DNMT1: variants seen among roughly 807,000 people sequenced by gnomAD.
DNMT1 encodes the protein DNA methyltransferase 1, also known as DNA (cytosine-5)-methyltransferase 1.
A neutral mutation model predicts 205.3 loss-of-function variants in DNMT1; 24 were observed. That is an observed-to-expected ratio of 0.12 (90% CI 0.08 to 0.16). The LOEUF is 0.16. Ranked by LOEUF, DNMT1 falls within the 10% of genes least tolerant of loss-of-function variation. The pLI is 1.00. For synonymous variants in DNMT1, 817 were observed against 839.8 expected (o/e 0.97, Z 0.47); for missense variants, 1,293 against 2,177.7 (o/e 0.59, Z 8.09).
chr19:10,192,515 A>G (rs1034570680), intron 1 of DNMT1, among the ~76,000 whole-genome samples: 1 of 151,746 alleles, frequency 6.6e-6, no homozygotes, highest in Admixed American at 6.6e-5. Flanking sequence ...TAATCCCAAC[A>G]CTTTGGGAAG....
rs2089614072 is a variant in DNMT1 at position 10,142,205 on chromosome 19, G to A, written c.3132C>T (p.His1044=). ...CGTGGTAGCTCGCTGGAGTGGACTT[G>A]TGGGTGTTCTCAGGCCTGCGAGCGG... The part of the protein sequence containing the change: ...VNKFYRPENT[H]KSTPASYHAD... The change falls in exon 30 of 41, where the codon CAC becomes CAT. Residue 1044 remains histidine (H), a synonymous_variant. Transcript: ENST00000359526. 1 of 1,614,032 alleles carries A rather than the reference G, an allele frequency of 6.2e-7. No individual in the cohort carries two copies. Among genetic ancestry groups the A allele is most frequent in the South Asian group, 1.1e-5 (1 of 91,082 alleles).
chr19:10,149,148 A>G, intron 26 of DNMT1, 131 bp from the exon 27 acceptor site: 4 of 1,300,660 alleles, frequency 3.1e-6, no homozygotes, highest in South Asian at 1.3e-5. Context: ...ACATGGTGAA[A>G]CCCCGTCTCT....
In DNMT1 at chr19:10,154,948, C is replaced by T; in HGVS notation, c.1601G>A (p.Ser534Asn). ...ISKIVVEFLQ[S>N]NSDSTYEDLI... ...GTCCTCATAGGTCGAGTCGGAATTG[C>T]TCTGCAGGAACTCCACCACAATCTT... The change falls in exon 20 of 41, where the codon AGC becomes AAC. Residue 534 changes from serine to asparagine, a missense_variant. Physicochemically the swap from Ser to Asn is conservative, Grantham distance 46. Transcript: ENST00000359526. This position sits in a 1 kb window ranked among gnomAD's most constrained non-coding sequence, Gnocchi z 6.3. 1 of 1,614,190 alleles carries T rather than the reference C, an allele frequency of 6.2e-7. No homozygotes were observed. The highest frequency in any genetic ancestry group is 8.5e-7 in the Non-Finnish European group (1 of 1,180,040).
chr19:10,145,761 T>C (rs971956882), intron 28 of DNMT1, among the ~76,000 whole-genome samples: 1 of 152,228 alleles, frequency 6.6e-6, no homozygotes, highest in African/African-American at 2.4e-5. Flanking sequence ...GGAGGTGTCC[T>C]TGGGCAGAGG....
In DNMT1 at chr19:10,148,898, C is replaced by T. The variant is rs777958103; in HGVS notation, c.2706G>A (p.Glu902=). The stretch of plus-strand genomic sequence containing the variant: ...CCAGTGCTCACTTGAACTTGTTGTC[C>T]TCTGTTGGCTGGGTTTTTGGAGGGG... ...FESPPKTQPT[E]DNKFKFCVSC... The change falls in exon 27 of 41, where the codon GAG becomes GAA. Residue 902 remains glutamate, a synonymous_variant. Coordinates refer to ENST00000359526, the MANE Select transcript of DNMT1 (RefSeq NM_001130823.3). 1.2e-6 allele frequency: 2 copies of T among 1,614,060 alleles called. No individual in the cohort carries two copies. Among genetic ancestry groups the T allele is most frequent in the Admixed American group, 1.7e-5 (1 of 60,002 alleles).
intron 27 of DNMT1, among the ~76,000 whole-genome samples, chr19:10,148,224 T>A (rs374824243): frequency 1.3e-5 from 2 of 149,388 alleles, no homozygotes; most frequent in African/African-American, 2.5e-5. Flanking sequence ...AGGACAGGTG[T>A]GGTGGCTCAC....
Position 10,137,856 on chromosome 19 carries a change from G to T in DNMT1, c.4269C>A (p.Pro1423=). 6.2e-7 allele frequency: 1 copy of T among 1,613,538 alleles called. No individual in the cohort carries two copies. The highest frequency in any genetic ancestry group is 2.2e-5 in the East Asian group (1 of 44,878). Residue 1423 remains proline, a synonymous_variant, in exon 36 of 41, where the codon CCC becomes CCA. Coordinates refer to ENST00000359526, the MANE Select transcript of DNMT1 (RefSeq NM_001130823.3). This position sits in a 1 kb window ranked among gnomAD's most constrained non-coding sequence, Gnocchi z 6.4. ...QRQLRGAQYQ[P]ILRDHICKDM... ...CCTTACAGATGTGGTCCCTGAGGAT[G>T]GGCTGGTACTGTGCGCCCCGGAGCT...
In DNMT1 at chr19:10,143,932, G is replaced by C. The variant is rs760683699; in HGVS notation, c.2950C>G (p.Leu984Val). Residue 984 changes from leucine to valine, a missense_variant, in exon 29 of 41, where the codon CTG becomes GTG. By Grantham distance (32) the Leu-to-Val change is conservative. Coordinates refer to ENST00000359526, the MANE Select transcript of DNMT1 (RefSeq NM_001130823.3). ...TATTTCCGGTAGTGCTCTGGGTACA[G>C]GTCCTCATCCACGGGCTCCTTCCGT... ...RPRKEPVDEDLYPEHYRKYSD... is the reference protein window; with the variant it reads ...RPRKEPVDEDVYPEHYRKYSD... 3 of 1,614,036 alleles carry C rather than the reference G, an allele frequency of 1.9e-6. No individual in the cohort carries two copies. The highest frequency in any genetic ancestry group is 2.5e-6 in the Non-Finnish European group (3 of 1,180,050).
chr19:10,135,642 C>T (rs1474695316), intron 39 of DNMT1, 94 bp downstream of exon 39: 1 of 1,364,204 alleles, frequency 7.3e-7, no homozygotes, highest in Non-Finnish European at 1.0e-6. Context: ...AGCAGGCGTC[C>T]TCCCGGAAGT....
At chr19:10,136,308 G>A (rs2089481953) in intron 37 of DNMT1, 21 bp from the exon 38 acceptor site, 1 of 1,613,224 alleles carries the variant, frequency 6.2e-7, no homozygotes, top group Non-Finnish European at 8.5e-7. Context: ...GGACAGTGAT[G>A]AGGCTGCAGT....
rs775701177 is a variant in DNMT1 at position 10,138,423 on chromosome 19, G to T, written c.4115+16C>A. 8 of 1,613,818 alleles carry T rather than the reference G, an allele frequency of 5.0e-6. No homozygotes were observed. In the Admixed American group the frequency reaches 1.0e-4, roughly 20 times the overall value. Reference sequence around the variant, plus strand: ...CCTGCTCGGCAGTGTGTGGAGGAGCGACGGGGGCCACCTACCTGGTTATGT... The same window carrying T: ...CCTGCTCGGCAGTGTGTGGAGGAGCTACGGGGGCCACCTACCTGGTTATGT... On this transcript the variant is annotated intron_variant, in intron 35 of 40. Transcript: ENST00000359526. The surrounding 1 kb of genome is among the most constrained non-coding windows in gnomAD (Gnocchi z 4.1).
At chr19:10,170,693 C>G (rs1313565377) in intron 9 of DNMT1, among the ~76,000 whole-genome samples, 1 of 152,196 alleles carries the variant, frequency 6.6e-6, no homozygotes, top group Non-Finnish European at 1.5e-5. Flanking sequence ...CCCCAATGGA[C>G]AGCCATCCTT....
At position 10,180,220 on chromosome 19, in the gene DNMT1, G is replaced by T; in HGVS notation, c.460C>A (p.Pro154Thr). Residue 154 changes from proline (P) to threonine (T), a missense_variant, in exon 5 of 41, where the codon CCT (proline) becomes ACT (threonine). By Grantham distance (38) the Pro-to-Thr change is conservative (BLOSUM62 -1). This residue lies in a region of DNMT1 where 394 missense variants were observed against 451.6 expected (regional missense o/e 0.87). Transcript: ENST00000359526. ...CCAGTTACTTGGGAGGCTGAGGCAG[G>T]AGGGTCTCTTGAACCTGGGAGGCAG... ...DGEAKRSRDPPASASQVTGIR... is the reference protein window; with the variant it reads ...DGEAKRSRDPTASASQVTGIR... 9.0e-7 allele frequency: 1 copy of T among 1,106,076 alleles called. No individual in the cohort carries two copies. The highest frequency in any genetic ancestry group is 2.6e-5 in the East Asian group (1 of 39,100). The allele number at this position is 1,106,076 out of a possible 1,614,324, so 68.5% of individuals were successfully genotyped here.
Position 10,156,871 on chromosome 19 carries a change from G to A in DNMT1, c.1281-362C>T, listed in dbSNP as rs986831704. Among the ~76,000 whole-genome samples the A allele has an allele frequency of 3.3e-5, 5 of 152,046 alleles. No individual in the cohort carries two copies. On this transcript the variant is annotated intron_variant, in intron 17 of 40. Coordinates refer to ENST00000359526, the MANE Select transcript of DNMT1 (RefSeq NM_001130823.3). The surrounding 1 kb of genome is among the most constrained non-coding windows in gnomAD (Gnocchi z 4.2). ...TATCTCCAGTGATCTACCCACCTCA[G>A]CCTCCCAAAGTGCTGGGATTACAGG...
chr19:10,153,010 A>G (rs967394989), intron 22 of DNMT1, among the ~76,000 whole-genome samples: 3 of 152,012 alleles, frequency 2.0e-5, no homozygotes, highest in African/African-American at 7.2e-5. Flanking sequence ...TTCCCTTCCC[A>G]TTCTCCAGAT....
Position 10,159,644 on chromosome 19 carries a change from G to T in DNMT1, c.1280+14C>A. 2 of 1,613,292 alleles carry T rather than the reference G, an allele frequency of 1.2e-6. No individual in the cohort carries two copies. The highest frequency in any genetic ancestry group is 1.7e-6 in the Non-Finnish European group (2 of 1,179,260). Reference sequence around the variant, plus strand: ...CCTTCCACGAAGCAAACATGCACACGAAAGTGCACTTACCTGAAGCAGGTC... The same window carrying T: ...CCTTCCACGAAGCAAACATGCACACTAAAGTGCACTTACCTGAAGCAGGTC... On this transcript the variant is annotated intron_variant, in intron 17 of 40. Coordinates refer to ENST00000359526, the MANE Select transcript of DNMT1 (RefSeq NM_001130823.3). The surrounding 1 kb of genome is among the most constrained non-coding windows in gnomAD (Gnocchi z 5.0).
Position 10,143,792 on chromosome 19 carries a change from G to A in DNMT1, c.3090C>T (p.Ile1030=). 1 of 1,614,166 alleles carries A rather than the reference G, an allele frequency of 6.2e-7. No individual in the cohort carries two copies. The highest frequency in any genetic ancestry group is 2.2e-5 in the East Asian group (1 of 44,888). The change falls in exon 29 of 41, where the codon ATC becomes ATT. Residue 1030 remains isoleucine (I), a synonymous_variant. Transcript: ENST00000359526. ...TGTAGAACTTGTTGACCCGGATTTT[G>A]ATGTCAGTCTCATTGGGCCTGCCGT... The part of the protein sequence containing the change: ...KSNGRPNETD[I]KIRVNKFYRP...
intron 9 of DNMT1, among the ~76,000 whole-genome samples, chr19:10,170,209 C>T (rs922598852): frequency 5.9e-5 from 9 of 151,728 alleles, no homozygotes; most frequent in Admixed American, 5.3e-4. Flanking sequence ...CGCTGGAACC[C>T]AGGGGGTGGA....
rs1383042100 is a variant in DNMT1, at chr19:10,147,253, C to A, written c.2721-729G>T. 3.6e-5 allele frequency among the ~76,000 whole-genome samples: 5 copies of A among 139,500 alleles called. No homozygotes were observed. In the Admixed American group the frequency reaches 3.7e-4, roughly 10 times the overall value. The allele number at this position is 139,500 out of a possible 152,430, so 91.5% of individuals were successfully genotyped here. A position where few individuals can be genotyped will look rare whatever the true frequency, so the allele number is the denominator to read the frequency against. On this transcript the variant is annotated intron_variant, in intron 27 of 40. Transcript: ENST00000359526. ...TTCCAGCCTGGGTGACAGAGGGAGA[C>A]CCTGTCTCAGATAAATAAATAAATA...
Sources: gnomAD v4.1 joint callset for allele counts (sites outside exome capture counted in the v4.1 genomes callset) on GRCh38, gnomAD v4.1.1 for gene constraint, gnomAD v4.1.1 regional missense constraint, Gnocchi (gnomAD v3.1) non-coding constraint, MANE v1.5 for transcripts, NCBI Gene and HGNC (gene_info 2026-07-23, HGNC 2026-07-21) for gene names.